The following CPPED1 variants were observed in gnomAD, a reference collection of about 807,000 sequenced individuals.
The protein encoded by CPPED1 is calcineurin like phosphoesterase domain containing 1, also known as serine/threonine-protein phosphatase CPPED1.
CPPED1 carries 28 observed loss-of-function variants against 28.0 expected under a neutral mutation model. The ratio of observed to expected loss-of-function variants is 1.00; its 90% CI spans 0.74 to 1.37. The LOEUF is 1.37. CPPED1 is among the 40% of genes most tolerant of loss of function. The pLI, the probability that CPPED1 is intolerant of heterozygous loss-of-function variation, is 0.00. For synonymous variants in CPPED1, 198 were observed against 180.2 expected, an observed-to-expected ratio of 1.10 and a Z score of -0.79; for missense variants, 504 against 416.5, an observed-to-expected ratio of 1.21 and a Z score of -1.83.
At chr16:12,705,567 G>A (rs2080045623) in intron 2 of CPPED1, among the ~76,000 whole-genome samples, 1 of 152,170 alleles carries the variant, frequency 6.6e-6, no homozygotes, top group African/African-American at 2.4e-5. Context: ...AGACCAGCCT[G>A]GACAACATGG....
At chr16:12,708,534 A>C (rs975223368) in intron 2 of CPPED1, among the ~76,000 whole-genome samples, 1 of 152,230 alleles carries the variant, frequency 6.6e-6, no homozygotes. Flanking sequence ...CTGTGTGTGC[A>C]TAACAACCAG....
intron 1 of CPPED1, among the ~76,000 whole-genome samples, chr16:12,787,072 G>C (rs2080567922): frequency 6.6e-6 from 1 of 152,126 alleles, no homozygotes; most frequent in Admixed American, 6.5e-5. Context: ...ACGTTTTCCA[G>C]TGCACAACAG....
Position 12,660,018 on chromosome 16 carries a change from C to G in CPPED1, c.*4868G>C, listed in dbSNP as rs2079784985. ...GAAACTGCCTCCATGATCCAATTACCTCCCACCAGGTCCGTCCCTTGACAC... is the reference window on the plus strand; with the variant it reads ...GAAACTGCCTCCATGATCCAATTACGTCCCACCAGGTCCGTCCCTTGACAC... On this transcript the variant is annotated 3_prime_UTR_variant, in exon 4 of 4. Coordinates refer to ENST00000381774, the MANE Select transcript of CPPED1 (RefSeq NM_018340.3). 6.6e-6 allele frequency: 1 copy of G among 152,200 alleles called. No homozygotes were observed. Among genetic ancestry groups the G allele is most frequent in the Non-Finnish European group, 1.5e-5 (1 of 68,058 alleles). 9.4% of individuals were successfully genotyped at this position (152,200 alleles called of 1,614,324 possible).
chr16:12,779,913 G>A (rs1171162599), intron 2 of CPPED1, among the ~76,000 whole-genome samples: 1 of 152,110 alleles, frequency 6.6e-6, no homozygotes, highest in East Asian at 1.9e-4. Flanking sequence ...GCCTCCCTGA[G>A]GGACAGGAGC....
At chr16:12,738,157 T>C (rs2080236728) in intron 2 of CPPED1, among the ~76,000 whole-genome samples, 2 of 152,194 alleles carry the variant, frequency 1.3e-5, no homozygotes, top group Admixed American at 1.3e-4. Flanking sequence ...TAAAGGATTG[T>C]TGTGTTCTTA....
At chr16:12,716,790 G>C (rs910375896) in intron 2 of CPPED1, among the ~76,000 whole-genome samples, 6 of 152,192 alleles carry the variant, frequency 3.9e-5, no homozygotes, top group African/African-American at 1.4e-4. Flanking sequence ...CTGTGTGCTA[G>C]GTAACAGCAT....
intron 2 of CPPED1, among the ~76,000 whole-genome samples, chr16:12,721,217 C>T (rs2080138119): frequency 6.6e-6 from 1 of 152,076 alleles, no homozygotes; most frequent in Non-Finnish European, 1.5e-5. Context: ...ATCAGAAAGA[C>T]AGGCAGATAC....
At chr16:12,767,251 C>T (rs940988835) in intron 2 of CPPED1, among the ~76,000 whole-genome samples, 1 of 152,170 alleles carries the variant, frequency 6.6e-6, no homozygotes, top group African/African-American at 2.4e-5. Flanking sequence ...CCAGGAGTGC[C>T]GATGTCCAGG....
At chr16:12,777,445 T>C (rs919658021) in intron 2 of CPPED1, among the ~76,000 whole-genome samples, 17 of 152,184 alleles carry the variant, frequency 1.1e-4, no homozygotes, top group Non-Finnish European at 2.2e-4. Context: ...AGAGTAACCC[T>C]AAATTAAGAG....
chr16:12,796,825 G>C (rs1442726589), intron 1 of CPPED1, among the ~76,000 whole-genome samples: 1 of 152,076 alleles, frequency 6.6e-6, no homozygotes, highest in Admixed American at 6.6e-5. Context: ...CCAGATGCGT[G>C]AAATGTCCAT....
intron 3 of CPPED1, among the ~76,000 whole-genome samples, chr16:12,671,333 T>C (rs892554027): frequency 6.6e-6 from 1 of 152,082 alleles, no homozygotes; most frequent in African/African-American, 2.4e-5. Context: ...ATCTGAATGA[T>C]TTTTACTAGT....
intron 2 of CPPED1, among the ~76,000 whole-genome samples, chr16:12,743,407 A>G (rs2080266553): frequency 6.6e-6 from 1 of 152,226 alleles, no homozygotes; most frequent in South Asian, 2.1e-4. Flanking sequence ...TATCTTTATG[A>G]CCTCAGGATA....
At chr16:12,797,265 T>C (rs1441713358) in intron 1 of CPPED1, among the ~76,000 whole-genome samples, 1 of 152,122 alleles carries the variant, frequency 6.6e-6, no homozygotes, top group East Asian at 1.9e-4. Context: ...ATTAAAAAAA[T>C]TTAGGCCAGG....
At position 12,766,384 on chromosome 16, in the gene CPPED1, A is replaced by T. The variant is rs140826372; in HGVS notation, c.289+14801T>A. 6.6e-3 allele frequency among the ~76,000 whole-genome samples: 996 copies of T among 151,664 alleles called. 10 individuals are homozygous for T. Among genetic ancestry groups the T allele is most frequent in the African/African-American group, 0.022 (923 of 41,110 alleles). Reference sequence around the variant, plus strand: ...CAGACTGTGAAGGAAAAGGGGTTTAATTGGACTTACAGCTTCACGTGGCTG... The same window carrying T: ...CAGACTGTGAAGGAAAAGGGGTTTATTTGGACTTACAGCTTCACGTGGCTG... On this transcript the variant is annotated intron_variant, in intron 2 of 3. Coordinates refer to ENST00000381774, the MANE Select transcript of CPPED1 (RefSeq NM_018340.3).
chr16:12,684,988 A>G (rs1429548563), intron 3 of CPPED1, among the ~76,000 whole-genome samples: 1 of 152,230 alleles, frequency 6.6e-6, no homozygotes, highest in African/African-American at 2.4e-5. Flanking sequence ...CTGATTTTAC[A>G]AAAGAACTGC....
intron 2 of CPPED1, among the ~76,000 whole-genome samples, chr16:12,732,426 T>C (rs2141206001): frequency 6.7e-6 from 1 of 149,060 alleles, no homozygotes; most frequent in East Asian, 2.0e-4. Context: ...TACCACAGTA[T>C]AGGGGAGCTC....
chr16:12,719,085 A>G (rs1451930461), intron 2 of CPPED1, among the ~76,000 whole-genome samples: 1 of 152,042 alleles, frequency 6.6e-6, no homozygotes, highest in Non-Finnish European at 1.5e-5. Flanking sequence ...AGAAAAGGGA[A>G]AAACCCCTTA....
chr16:12,718,169 G>A (rs2080117455), intron 2 of CPPED1, among the ~76,000 whole-genome samples: 1 of 152,146 alleles, frequency 6.6e-6, no homozygotes, highest in African/African-American at 2.4e-5. Flanking sequence ...ATGACTTCAG[G>A]TCCAATCCCT....
chr16:12,686,579 C>G (rs888772980), intron 3 of CPPED1, among the ~76,000 whole-genome samples: 10 of 152,292 alleles, frequency 6.6e-5, no homozygotes, highest in African/African-American at 2.2e-4. Context: ...TTCAGTAGGA[C>G]CAAAGCATGC....
Sources: allele counts gnomAD v4.1 joint callset (sites outside exome capture counted in the v4.1 genomes callset), GRCh38; gene constraint gnomAD v4.1.1; transcripts MANE v1.5; gene names NCBI Gene and HGNC (gene_info 2026-07-23, HGNC 2026-07-21).